The following TMEM38B variants were observed in gnomAD, a reference collection of about 807,000 sequenced individuals.
TMEM38B encodes transmembrane protein 38B.
Under a neutral mutation model 28.7 loss-of-function variants are expected in TMEM38B, and 24 were observed. The ratio of observed to expected loss-of-function variants is 0.84; its 90% CI spans 0.61 to 1.18. TMEM38B has a LOEUF of 1.18. Ranked by LOEUF, TMEM38B falls within the 50% of genes most tolerant of loss-of-function variation. The pLI, the probability that TMEM38B is intolerant of heterozygous loss-of-function variation, is 0.00. For missense variants in TMEM38B, 380 were observed against 350.9 expected (o/e 1.08, Z -0.66); for synonymous variants, 131 against 127.7 (o/e 1.03, Z -0.17).
intron 2 of TMEM38B, among the ~76,000 whole-genome samples, chr9:105,713,874 A>G (rs1405524436): frequency 7.0e-6 from 1 of 143,422 alleles, no homozygotes; most frequent in African/African-American, 2.7e-5. Flanking sequence ...AGGGCAGAGT[A>G]GGAAGAGTTG....
chr9:105,703,648 G>T (rs1389789233), intron 1 of TMEM38B, among the ~76,000 whole-genome samples: 2 of 152,012 alleles, frequency 1.3e-5, no homozygotes, highest in Non-Finnish European at 1.5e-5. Flanking sequence ...GGTTGAACTA[G>T]TTTACAGTCC....
intron 5 of TMEM38B, chr9:105,759,675 T>G: frequency 1.2e-6 from 2 of 1,600,422 alleles, no homozygotes; most frequent in South Asian, 2.3e-5. Context: ...GACAAAATAC[T>G]AAACTGTTTT....
chr9:105,726,617 G>A (rs1236107393), intron 4 of TMEM38B, among the ~76,000 whole-genome samples: 1 of 151,962 alleles, frequency 6.6e-6, no homozygotes, highest in Non-Finnish European at 1.5e-5. Flanking sequence ...CTGTTTTACA[G>A]TTCACTTAAA....
At chr9:105,719,766 T>C (rs1017879731) in intron 2 of TMEM38B, among the ~76,000 whole-genome samples, 1 of 152,140 alleles carries the variant, frequency 6.6e-6, no homozygotes, top group Non-Finnish European at 1.5e-5. Flanking sequence ...TTAACTCACG[T>C]TAAAGTTAGG....
At chr9:105,734,946 G>A (rs1836916215) in intron 4 of TMEM38B, among the ~76,000 whole-genome samples, 1 of 151,644 alleles carries the variant, frequency 6.6e-6, no homozygotes, top group African/African-American at 2.4e-5. Context: ...CTAGAAAAGG[G>A]ATTTTCTCCT....
intron 5 of TMEM38B, among the ~76,000 whole-genome samples, chr9:105,769,222 A>T (rs553699155): frequency 6.6e-6 from 1 of 152,348 alleles, no homozygotes; most frequent in East Asian, 1.9e-4. Context: ...CAAACATATT[A>T]AAAAATGTGG....
At chr9:105,772,664 AT>A (rs869215643) in intron 5 of TMEM38B, among the ~76,000 whole-genome samples, 15 of 151,466 alleles carry the variant, frequency 9.9e-5, no homozygotes, top group East Asian at 9.7e-4. Flanking sequence ...ATTTAAAAAA[AT>A]TTTTTTTTTA....
rs112354079 is a variant in TMEM38B, at chr9:105,749,175, C to T, written c.660+985C>T. On this transcript the variant is annotated intron_variant, in intron 5 of 5. Transcript: ENST00000374692. ...CTCTTCCAGTCCTCAAATGTTGAGC[C>T]GTGTATATTTTTTTCTAACAGCTTT... 352 of 1,188,788 alleles carry T rather than the reference C, an allele frequency of 3.0e-4. 2 individuals carry two copies. The African/African-American group carries it at 4.5e-3, about 15-fold the overall frequency. The allele number at this position is 1,188,788 out of a possible 1,614,324, so 73.6% of individuals were successfully genotyped here.
chr9:105,758,623 C>G (rs1837919940), intron 5 of TMEM38B: 15 of 831,668 alleles, frequency 1.8e-5, no homozygotes, highest in Middle Eastern at 4.5e-4. Context: ...GTTGATGGTA[C>G]TAACCAGCTC....
At chr9:105,732,103 T>A (rs1169623530) in intron 4 of TMEM38B, among the ~76,000 whole-genome samples, 1 of 152,228 alleles carries the variant, frequency 6.6e-6, no homozygotes, top group Non-Finnish European at 1.5e-5. Context: ...CAAAAAAGTC[T>A]TCTTTTGAGA....
At chr9:105,708,037 A>C (rs925034797) in intron 2 of TMEM38B, among the ~76,000 whole-genome samples, 1 of 152,140 alleles carries the variant, frequency 6.6e-6, no homozygotes, top group Non-Finnish European at 1.5e-5. Context: ...TGTTCCTATA[A>C]TACTAACCTC....
intron 4 of TMEM38B, among the ~76,000 whole-genome samples, chr9:105,728,231 ATCTC>A (rs539365614): frequency 2.0e-3 from 297 of 151,950 alleles, no homozygotes; most frequent in Non-Finnish European, 3.4e-3. Flanking sequence ...TCCTAACACT[ATCTC>A]TCTCCCAGCC....
At position 105,722,578 on chromosome 9, in the gene TMEM38B, G is replaced by A; in HGVS notation, c.499G>A (p.Gly167Arg). 1 of 1,613,718 alleles carries A rather than the reference G, an allele frequency of 6.2e-7. No individual in the cohort carries two copies. Among genetic ancestry groups the A allele is most frequent in the Non-Finnish European group, 8.5e-7 (1 of 1,179,820 alleles). Residue 167 changes from glycine (G) to arginine (R), a missense_variant, in exon 4 of 6, where the codon GGA becomes AGA. Gly to Arg is a moderately radical substitution (Grantham distance 125). Coordinates refer to ENST00000374692, the MANE Select transcript of TMEM38B (RefSeq NM_018112.3). ...IITNFERLVKGDWKPEGDEWL... is the reference protein window; with the variant it reads ...IITNFERLVKRDWKPEGDEWL... ...AACGAATTTTGAGAGGTTGGTAAAA[G>A]GAGATTGGAAACCAGAAGGTGATGA...
rs369525528 is a variant in TMEM38B at position 105,727,905 on chromosome 9, C to T, written c.542+5284C>T. Among the ~76,000 whole-genome samples, 24 of 152,172 alleles carry T rather than the reference C, an allele frequency of 1.6e-4. No individual in the cohort carries two copies. The East Asian group carries it at 2.7e-3, about 17-fold the overall frequency. ...TGAAAGTCTGGTTCCTTTCCCTCCTCGTTCTCTTGTTCCCAGTCTCACCAT... is the reference window on the plus strand; with the variant it reads ...TGAAAGTCTGGTTCCTTTCCCTCCTTGTTCTCTTGTTCCCAGTCTCACCAT... On this transcript the variant is annotated intron_variant, in intron 4 of 5. Coordinates refer to ENST00000374692, the MANE Select transcript of TMEM38B (RefSeq NM_018112.3).
At chr9:105,732,860 G>A (rs1836810629) in intron 4 of TMEM38B, among the ~76,000 whole-genome samples, 4 of 152,076 alleles carry the variant, frequency 2.6e-5, no homozygotes, top group Admixed American at 2.6e-4. Flanking sequence ...TCATTGGTAG[G>A]TTGATGGGGA....
chr9:105,702,217 TTC>T (rs1176986527), intron 1 of TMEM38B, among the ~76,000 whole-genome samples: 1 of 151,218 alleles, frequency 6.6e-6, no homozygotes, highest in African/African-American at 2.4e-5. Context: ...TTGTTCATTT[TTC>T]TCTCTTTTTA....
chr9:105,731,967 T>G (rs1836767803), intron 4 of TMEM38B, among the ~76,000 whole-genome samples: 1 of 152,152 alleles, frequency 6.6e-6, no homozygotes, highest in Non-Finnish European at 1.5e-5. Context: ...CTCCAGCACC[T>G]GTTGTTTCCT....
chr9:105,768,391 T>C (rs532336616), intron 5 of TMEM38B, among the ~76,000 whole-genome samples: 30 of 152,264 alleles, frequency 2.0e-4, no homozygotes, highest in South Asian at 1.4e-3. Context: ...TAGTTTTCTC[T>C]GTAATTTTTT....
At chr9:105,753,497 T>C (rs993228726) in intron 5 of TMEM38B, among the ~76,000 whole-genome samples, 1 of 152,010 alleles carries the variant, frequency 6.6e-6, no homozygotes. Context: ...CCAGAAGAGA[T>C]TGGGGGCCAA....
Sources: gnomAD v4.1 joint callset for allele counts (sites outside exome capture counted in the v4.1 genomes callset) on GRCh38, gnomAD v4.1.1 for gene constraint, MANE v1.5 for transcripts, NCBI Gene and HGNC (gene_info 2026-07-23, HGNC 2026-07-21) for gene names.